SUGCT: variants seen among roughly 807,000 people sequenced by gnomAD.
The protein encoded by SUGCT is succinyl-CoA:glutarate-CoA transferase, also known as succinyl-CoA:glutarate CoA-transferase.
SUGCT carries 41 observed loss-of-function variants against 55.0 expected under a neutral mutation model. That is an observed-to-expected ratio of 0.74 (90% confidence interval 0.58 to 0.97). SUGCT has a LOEUF of 0.97. Ranked by LOEUF, SUGCT falls within the 50% of genes least tolerant of loss-of-function variation. SUGCT has a pLI of 0.00. For synonymous variants in SUGCT, 187 were observed against 200.4 expected, an observed-to-expected ratio of 0.93 and a Z score of 0.56; for missense variants, 568 against 547.8, an observed-to-expected ratio of 1.04 and a Z score of -0.37.
chr7:40,768,081 G>A (rs1231494258), intron 13 of SUGCT, among the ~76,000 whole-genome samples: 2 of 152,146 alleles, frequency 1.3e-5, no homozygotes, highest in South Asian at 4.1e-4. Context: ...TACTCCCTCA[G>A]GGTCCCAGGC....
At chr7:40,768,041 G>A (rs1788892006) in intron 13 of SUGCT, among the ~76,000 whole-genome samples, 1 of 152,154 alleles carries the variant, frequency 6.6e-6, no homozygotes, top group South Asian at 2.1e-4. Context: ...CTGGCCATGG[G>A]TCATCTGAGC....
At chr7:40,726,771 CT>C (rs1786634676) in intron 12 of SUGCT, among the ~76,000 whole-genome samples, 1 of 152,154 alleles carries the variant, frequency 6.6e-6, no homozygotes, top group Admixed American at 6.5e-5. Flanking sequence ...CACACTGTAC[CT>C]GACTGCACAG....
chr7:40,408,868 G>A (rs1383356423), intron 9 of SUGCT, among the ~76,000 whole-genome samples: 2 of 152,172 alleles, frequency 1.3e-5, no homozygotes, highest in African/African-American at 4.8e-5. Flanking sequence ...ATACCTCAGT[G>A]ATTTGAACTT....
chr7:40,396,359 A>G (rs1218220920), intron 9 of SUGCT, among the ~76,000 whole-genome samples: 1 of 152,146 alleles, frequency 6.6e-6, no homozygotes, highest in Admixed American at 6.5e-5. Flanking sequence ...ATTTGCCCTG[A>G]AAAGTACTCA....
intron 13 of SUGCT, among the ~76,000 whole-genome samples, chr7:40,844,273 T>C (rs1181639596): frequency 6.6e-6 from 1 of 152,166 alleles, no homozygotes; most frequent in Non-Finnish European, 1.5e-5. Context: ...GACAGCCTTT[T>C]ACACCCTGCC....
chr7:40,978,027 G>A, the SUGCT span, among the ~76,000 whole-genome samples: 2 of 152,150 alleles, frequency 1.3e-5, no homozygotes, highest in African/African-American at 2.4e-5. Flanking sequence ...ACCCCCTTGA[G>A]TTATTGATAG....
At chr7:40,971,911 A>AT in the SUGCT span, among the ~76,000 whole-genome samples, 2 of 152,080 alleles carry the variant, frequency 1.3e-5, no homozygotes, top group African/African-American at 2.4e-5. Flanking sequence ...GTCAATTAAT[A>AT]TTTTTTTACA....
At chr7:40,762,489 C>G (rs1211806254) in intron 13 of SUGCT, among the ~76,000 whole-genome samples, 1 of 152,000 alleles carries the variant, frequency 6.6e-6, no homozygotes. Context: ...GCTTTTACCA[C>G]CAAAAGGGAA....
intron 7 of SUGCT, among the ~76,000 whole-genome samples, chr7:40,274,155 A>G (rs1179648735): frequency 8.0e-6 from 1 of 125,174 alleles, no homozygotes; most frequent in African/African-American, 2.9e-5. Flanking sequence ...TTTCTCCCCA[A>G]CAAATTAACT....
chr7:40,830,899 A>G (rs992594236), intron 13 of SUGCT, among the ~76,000 whole-genome samples: 1 of 152,174 alleles, frequency 6.6e-6, no homozygotes, highest in African/African-American at 2.4e-5. Flanking sequence ...ACCACCTTGC[A>G]TCTCTCAAAG....
the SUGCT span, among the ~76,000 whole-genome samples, chr7:40,898,533 C>A: frequency 1.4e-5 from 2 of 144,054 alleles, no homozygotes; most frequent in African/African-American, 2.5e-5. Flanking sequence ...ACCATCCTCG[C>A]TAACACAGTG....
intron 12 of SUGCT, among the ~76,000 whole-genome samples, chr7:40,506,206 CG>C (rs1482006265): frequency 2.0e-5 from 3 of 151,996 alleles, no homozygotes; most frequent in African/African-American, 7.2e-5. Flanking sequence ...TTTTTTTCCA[CG>C]TTTTTTTGAT....
At chr7:40,987,082 G>A in the SUGCT span, among the ~76,000 whole-genome samples, 1 of 152,148 alleles carries the variant, frequency 6.6e-6, no homozygotes, top group Non-Finnish European at 1.5e-5. Context: ...GGTGTCTGGG[G>A]GAGGTAGAGC....
chr7:40,899,940 G>T, the SUGCT span, among the ~76,000 whole-genome samples: 2 of 152,178 alleles, frequency 1.3e-5, no homozygotes, highest in African/African-American at 2.4e-5. Flanking sequence ...GGCAGCCCAG[G>T]CCTGGAGTTT....
intron 12 of SUGCT, among the ~76,000 whole-genome samples, chr7:40,579,079 A>G (rs925702460): frequency 6.6e-6 from 1 of 152,160 alleles, no homozygotes; most frequent in African/African-American, 2.4e-5. Flanking sequence ...CAGACAAAAT[A>G]GTAATCCTTT....
chr7:40,722,757 G>A (rs964993609), intron 12 of SUGCT, among the ~76,000 whole-genome samples: 2 of 151,928 alleles, frequency 1.3e-5, no homozygotes, highest in African/African-American at 2.4e-5. Flanking sequence ...TTACCATATT[G>A]CTACTTCTGT....
chr7:40,498,980 C>T lies in SUGCT; in HGVS notation c.1089+2594C>T, dbSNP rs777082448. On this transcript the variant is annotated intron_variant, in intron 12 of 13. Coordinates refer to ENST00000335693, the MANE Select transcript of SUGCT (RefSeq NM_001193313.2). ...GAAAATCCTTTTATTTTTCATTTTCCGTAAAAGTTTTTTCTAAGTATGATT... is the reference window on the plus strand; with the variant it reads ...GAAAATCCTTTTATTTTTCATTTTCTGTAAAAGTTTTTTCTAAGTATGATT... 2.1e-5 allele frequency: 9 copies of T among 419,272 alleles called. 1 individual carries two copies. The highest frequency in any genetic ancestry group is 5.1e-5 in the South Asian group (3 of 59,308). The allele number at this position is 419,272 out of a possible 1,614,324, so 26.0% of individuals were successfully genotyped here.
chr7:40,586,933 T>A (rs1797410697), intron 12 of SUGCT, among the ~76,000 whole-genome samples: 1 of 152,202 alleles, frequency 6.6e-6, no homozygotes, highest in Non-Finnish European at 1.5e-5. Context: ...ATACATCCAA[T>A]CAATGGAATA....
chr7:40,163,181 A>G (rs1203539581), intron 1 of SUGCT, among the ~76,000 whole-genome samples: 1 of 152,198 alleles, frequency 6.6e-6, no homozygotes, highest in East Asian at 1.9e-4. Context: ...GAAGCTGGAA[A>G]ATGTGGAAGA....
Sources: allele counts gnomAD v4.1 joint callset (sites outside exome capture counted in the v4.1 genomes callset), GRCh38; gene constraint gnomAD v4.1.1; transcripts MANE v1.5; gene names NCBI Gene and HGNC (gene_info 2026-07-23, HGNC 2026-07-21).